PLCXD3: variants seen among roughly 807,000 people sequenced by gnomAD.
The protein encoded by PLCXD3 is phosphatidylinositol specific phospholipase C X domain containing 3.
In PLCXD3, 19 loss-of-function variants were observed where a neutral mutation model predicts 25.5. The observed-to-expected ratio is 0.75, with a 90% CI of 0.52 to 1.09. The LOEUF is 1.09. Ranked by LOEUF, PLCXD3 falls within the 50% of genes least tolerant of loss-of-function variation. The pLI is 0.00. For synonymous variants in PLCXD3, 174 were observed against 137.6 expected (o/e 1.26, Z -1.85); for missense variants, 411 against 388.1 (o/e 1.06, Z -0.50).
At chr5:41,403,063 C>G (rs963750783) in intron 1 of PLCXD3, among the ~76,000 whole-genome samples, 1 of 151,944 alleles carries the variant, frequency 6.6e-6, no homozygotes, top group African/African-American at 2.4e-5. Context: ...GTCCTGCATT[C>G]CTGTTTTTCT....
chr5:41,359,522 T>C (rs530493571), intron 2 of PLCXD3, among the ~76,000 whole-genome samples: 1 of 152,208 alleles, frequency 6.6e-6, no homozygotes, highest in Admixed American at 6.5e-5. Flanking sequence ...ACCTTGTTCA[T>C]AGTAACCTTA....
intron 2 of PLCXD3, among the ~76,000 whole-genome samples, chr5:41,358,296 T>A (rs1225468629): frequency 6.6e-6 from 1 of 152,186 alleles, no homozygotes; most frequent in African/African-American, 2.4e-5. Context: ...TTGGGCTACT[T>A]ATTTTTTTTA....
chr5:41,341,169 C>T (rs1744137327), intron 2 of PLCXD3, among the ~76,000 whole-genome samples: 1 of 152,112 alleles, frequency 6.6e-6, no homozygotes, highest in African/African-American at 2.4e-5. Context: ...ATATAGTTGA[C>T]TGAAGAATTA....
chr5:41,473,844 C>G (rs1379603680), intron 1 of PLCXD3, among the ~76,000 whole-genome samples: 2 of 152,146 alleles, frequency 1.3e-5, no homozygotes, highest in African/African-American at 4.8e-5. Flanking sequence ...CAGAGGTAAC[C>G]CCATTAATTA....
chr5:41,489,738 C>T (rs927602436), intron 1 of PLCXD3, among the ~76,000 whole-genome samples: 3 of 151,972 alleles, frequency 2.0e-5, no homozygotes, highest in African/African-American at 7.3e-5. Flanking sequence ...CTCTGTTTGT[C>T]TGTTATTGGT....
chr5:41,502,198 A>C (rs1748965805), intron 1 of PLCXD3, among the ~76,000 whole-genome samples: 1 of 152,130 alleles, frequency 6.6e-6, no homozygotes, highest in Non-Finnish European at 1.5e-5. Context: ...GCAGGTCTAG[A>C]TCTTCCTCTT....
chr5:41,439,573 A>C (rs1184626028), intron 1 of PLCXD3, among the ~76,000 whole-genome samples: 1 of 152,084 alleles, frequency 6.6e-6, no homozygotes, highest in Non-Finnish European at 1.5e-5. Context: ...ATAGTCTCCA[A>C]GTTCTAAGAG....
At chr5:41,429,116 C>A (rs1747034425) in intron 1 of PLCXD3, among the ~76,000 whole-genome samples, 1 of 152,080 alleles carries the variant, frequency 6.6e-6, no homozygotes, top group Admixed American at 6.5e-5. Flanking sequence ...AAGGAGAAAT[C>A]ACCCATCCTC....
chr5:41,407,619 C>A (rs1186590671), intron 1 of PLCXD3, among the ~76,000 whole-genome samples: 2 of 152,100 alleles, frequency 1.3e-5, no homozygotes, highest in African/African-American at 4.8e-5. Flanking sequence ...TCATTAAAGA[C>A]AACACACAAT....
intron 1 of PLCXD3, among the ~76,000 whole-genome samples, chr5:41,449,932 C>A (rs1747589490): frequency 6.6e-6 from 1 of 152,060 alleles, no homozygotes; most frequent in Admixed American, 6.6e-5. Flanking sequence ...CCTCCCCTAA[C>A]AGGTAGATGG....
chr5:41,338,750 C>T (rs1744053824), intron 2 of PLCXD3, among the ~76,000 whole-genome samples: 1 of 152,114 alleles, frequency 6.6e-6, no homozygotes, highest in Non-Finnish European at 1.5e-5. Context: ...CATAACCACA[C>T]CATCTGTATC....
At chr5:41,405,468 G>T (rs536470654) in intron 1 of PLCXD3, among the ~76,000 whole-genome samples, 3 of 151,940 alleles carry the variant, frequency 2.0e-5, no homozygotes, top group Admixed American at 2.0e-4. Context: ...ATGTTATTAC[G>T]AACACTTGTT....
intron 1 of PLCXD3, chr5:41,456,454 G>T: frequency 1.6e-6 from 1 of 606,174 alleles, no homozygotes; most frequent in South Asian, 7.4e-5. Context: ...GATAAATTCA[G>T]GATAGAAAAA....
intron 1 of PLCXD3, among the ~76,000 whole-genome samples, chr5:41,442,605 A>G (rs1747409355): frequency 6.6e-6 from 1 of 152,226 alleles, no homozygotes; most frequent in African/African-American, 2.4e-5. Context: ...ACTTTAGCAG[A>G]CTTACATTGA....
At chr5:41,376,216 G>A (rs1745291369) in intron 2 of PLCXD3, among the ~76,000 whole-genome samples, 1 of 152,092 alleles carries the variant, frequency 6.6e-6, no homozygotes, top group Non-Finnish European at 1.5e-5. Flanking sequence ...CATATAAAAT[G>A]ATACTGTAAA....
intron 1 of PLCXD3, among the ~76,000 whole-genome samples, chr5:41,430,829 A>G (rs1042281646): frequency 6.6e-6 from 1 of 152,228 alleles, no homozygotes; most frequent in Non-Finnish European, 1.5e-5. Flanking sequence ...ATTGCCAATT[A>G]TAAAGAAAAT....
At chr5:41,411,807 GATATATATATGTCCATATTGATATCC>G in intron 1 of PLCXD3, among the ~76,000 whole-genome samples, 1 of 146,612 alleles carries the variant, frequency 6.8e-6, no homozygotes, top group East Asian at 2.0e-4. Context: ...ATTGATCATG[GATATATATATGTCCATATTGATATCC>G]ATATATATAT....
intron 1 of PLCXD3, among the ~76,000 whole-genome samples, chr5:41,491,555 T>C (rs1032179405): frequency 6.6e-6 from 1 of 152,134 alleles, no homozygotes; most frequent in Non-Finnish European, 1.5e-5. Flanking sequence ...CCCATTATTA[T>C]TGTGTGGGAG....
intron 1 of PLCXD3, among the ~76,000 whole-genome samples, chr5:41,403,356 A>G (rs1323780722): frequency 7.5e-6 from 1 of 133,580 alleles, no homozygotes; most frequent in South Asian, 2.6e-4. Flanking sequence ...ACAAAATAAC[A>G]CTAAGAATAC....
Sources: gnomAD v4.1 joint callset for allele counts (sites outside exome capture counted in the v4.1 genomes callset) on GRCh38, gnomAD v4.1.1 for gene constraint, MANE v1.5 for transcripts, NCBI Gene and HGNC (gene_info 2026-07-23, HGNC 2026-07-21) for gene names.